POU6F2: variants seen among roughly 807,000 people sequenced by gnomAD.
POU6F2 encodes the protein POU domain, class 6, transcription factor 2.
A neutral mutation model predicts 71.3 loss-of-function variants in POU6F2; 31 were observed. The ratio of observed to expected loss-of-function variants is 0.43; its 90% CI spans 0.33 to 0.59. The LOEUF (loss-of-function observed/expected upper bound fraction) is 0.59, where lower values mean the gene tolerates loss of function less well. Among genes scored for constraint, POU6F2 ranks in the 20% least tolerant of loss-of-function variants. The pLI, the probability that POU6F2 is intolerant of heterozygous loss-of-function variation, is 0.04. For synonymous variants in POU6F2, 347 were observed against 355.7 expected (o/e 0.98, Z 0.27); for missense variants, 783 against 856.8 (o/e 0.91, Z 1.07).
At chr7:39,050,022 T>A (rs944429217) in intron 1 of POU6F2, among the ~76,000 whole-genome samples, 1 of 152,072 alleles carries the variant, frequency 6.6e-6, no homozygotes, top group Non-Finnish European at 1.5e-5. Flanking sequence ...TGCCATATTA[T>A]AGCAGCTCTT....
chr7:39,044,093 T>C (rs1168240578), intron 1 of POU6F2, among the ~76,000 whole-genome samples: 2 of 151,692 alleles, frequency 1.3e-5, no homozygotes, highest in Admixed American at 1.3e-4. Flanking sequence ...ACTTAAAGAG[T>C]GCATTTTGAA....
intron 5 of POU6F2, among the ~76,000 whole-genome samples, chr7:39,343,021 ATC>A (rs1554344998): frequency 1.3e-5 from 2 of 152,150 alleles, no homozygotes; most frequent in Non-Finnish European, 2.9e-5. Flanking sequence ...GCCCCTGGAG[ATC>A]TGTCTATAGA....
chr7:39,157,307 C>G (rs1004305650), intron 2 of POU6F2, among the ~76,000 whole-genome samples: 18 of 152,024 alleles, frequency 1.2e-4, no homozygotes, highest in African/African-American at 4.1e-4. Context: ...CCACCATACA[C>G]AATTAGGGAG....
intron 4 of POU6F2, among the ~76,000 whole-genome samples, chr7:39,234,106 G>C (rs1794628538): frequency 6.6e-6 from 1 of 152,070 alleles, no homozygotes; most frequent in Admixed American, 6.6e-5. Context: ...ATCAGCCCAG[G>C]ATATTGTAAT....
At chr7:39,244,842 C>T (rs368195193) in intron 4 of POU6F2, among the ~76,000 whole-genome samples, 4 of 152,058 alleles carry the variant, frequency 2.6e-5, no homozygotes, top group African/African-American at 4.8e-5. Context: ...CACAGCTGCC[C>T]CTTACCCAGA....
chr7:39,464,578 C>A lies in POU6F2; in HGVS notation c.2055C>A (p.Cys685Ter). 6.2e-7 allele frequency: 1 copy of A among 1,611,862 alleles called. No individual in the cohort carries two copies. Residue 685 changes from cysteine (C) to a stop codon, truncating the protein, a stop_gained, in exon 10 of 10, where the codon TGC (cysteine) becomes TGA (stop). Transcript: ENST00000518318. LOFTEE classifies it high-confidence loss of function. This position sits in a 1 kb window ranked among gnomAD's most constrained non-coding sequence, Gnocchi z 4.1. ...GAGAAGTAGTTAGAGTTTGGTTCTGCAATAAGAGGCAAGCCCTGAAGAACA... is the reference window on the plus strand; with the variant it reads ...GAGAAGTAGTTAGAGTTTGGTTCTGAAATAAGAGGCAAGCCCTGAAGAACA... Reference protein sequence around the residue: ...YDREVVRVWFCNKRQALKNTI... With the variant: ...YDREVVRVWF
intron 4 of POU6F2, among the ~76,000 whole-genome samples, chr7:39,265,898 A>G (rs1337701530): frequency 6.6e-6 from 1 of 152,226 alleles, no homozygotes; most frequent in Non-Finnish European, 1.5e-5. Context: ...ATTAATTACA[A>G]GTGTCTCCAA....
chr7:39,392,810 C>G (rs966645930), intron 5 of POU6F2, among the ~76,000 whole-genome samples: 1 of 152,222 alleles, frequency 6.6e-6, no homozygotes, highest in African/African-American at 2.4e-5. Context: ...TTTACATTCT[C>G]TCCTGCACTA....
chr7:39,364,116 G>C (rs899449362), intron 5 of POU6F2, among the ~76,000 whole-genome samples: 1 of 152,194 alleles, frequency 6.6e-6, no homozygotes, highest in African/African-American at 2.4e-5. Flanking sequence ...AAGAGGCATG[G>C]ATGCACTGAA....
At chr7:39,141,816 G>A (rs933150614) in intron 2 of POU6F2, among the ~76,000 whole-genome samples, 6 of 152,132 alleles carry the variant, frequency 3.9e-5, no homozygotes, top group Non-Finnish European at 7.4e-5. Flanking sequence ...GACCGGGCAC[G>A]GTGGCTCATG....
At chr7:39,179,487 T>A (rs1793392769) in intron 2 of POU6F2, among the ~76,000 whole-genome samples, 2 of 152,248 alleles carry the variant, frequency 1.3e-5, no homozygotes, top group East Asian at 3.8e-4. Context: ...ATTGAATCTT[T>A]GCTATTATTA....
intron 7 of POU6F2, among the ~76,000 whole-genome samples, chr7:39,434,285 G>A (rs1451337033): frequency 2.0e-5 from 3 of 152,146 alleles, no homozygotes; most frequent in African/African-American, 7.2e-5. Context: ...TTGGAGCAGA[G>A]AGGAGGCAGA....
intron 5 of POU6F2, among the ~76,000 whole-genome samples, chr7:39,405,786 A>C (rs3778934): frequency 0.34 from 51,846 of 151,950 alleles, 9,193 homozygotes; most frequent in East Asian, 0.6. Flanking sequence ...GTCTCCATGG[A>C]AAAACAGATT....
chr7:39,119,386 CTTAA>C (rs1318231117), intron 2 of POU6F2, among the ~76,000 whole-genome samples: 2 of 152,068 alleles, frequency 1.3e-5, no homozygotes, highest in Non-Finnish European at 2.9e-5. Context: ...TACACTGTGT[CTTAA>C]TTGTAAAAAA....
rs751710078 is a variant in POU6F2 at position 39,339,688 on chromosome 7, C to CCAGCAGCAG, written c.668_676dup (p.Gln223_Gln225dup). 1.9e-5 allele frequency: 30 copies of CCAGCAGCAG among 1,597,996 alleles called. No homozygotes were observed. The highest frequency in any genetic ancestry group is 1.2e-4 in the Admixed American group (7 of 59,476). On this transcript the variant is annotated inframe_insertion, in exon 5 of 10. Transcript: ENST00000518318. ...AGCTCCAGCAGCTCCAGCTCCAGCT[C>CCAGCAGCAG]CAGCAGCAGCAGCAGCAGCAGCAGC...
chr7:39,002,915 A>T (rs1334742825), intron 1 of POU6F2, among the ~76,000 whole-genome samples: 1 of 152,226 alleles, frequency 6.6e-6, no homozygotes, highest in Non-Finnish European at 1.5e-5. Flanking sequence ...TTAATGTTAG[A>T]CTATGAAAAG....
chr7:39,277,883 C>T (rs867066292), intron 4 of POU6F2, among the ~76,000 whole-genome samples: 2 of 152,002 alleles, frequency 1.3e-5, no homozygotes, highest in African/African-American at 2.4e-5. Context: ...ATGGTGAAAC[C>T]CCCTCTCTAC....
At chr7:39,433,338 T>C (rs1788156547) in intron 7 of POU6F2, 55 bp downstream of exon 7, 2 of 1,588,276 alleles carry the variant, frequency 1.3e-6, no homozygotes, top group Non-Finnish European at 1.7e-6. Flanking sequence ...TTACCCAGCT[T>C]CTCCTCTTTG....
intron 4 of POU6F2, among the ~76,000 whole-genome samples, chr7:39,280,765 A>G (rs867471429): frequency 2.0e-5 from 3 of 152,368 alleles, no homozygotes; most frequent in Middle Eastern, 3.4e-3. Context: ...ATAAGTTAAC[A>G]TAGCGATTGC....
Sources: allele counts gnomAD v4.1 joint callset (sites outside exome capture counted in the v4.1 genomes callset), GRCh38; gene constraint gnomAD v4.1.1; non-coding constraint Gnocchi (gnomAD v3.1); transcripts MANE v1.5; gene names NCBI Gene and HGNC (gene_info 2026-07-23, HGNC 2026-07-21).